TBXAS1: variants seen among roughly 807,000 people sequenced by gnomAD.
The protein encoded by TBXAS1 is thromboxane A synthase 1.
TBXAS1 carries 48 observed loss-of-function variants against 60.7 expected under a neutral mutation model. That is an observed-to-expected ratio of 0.79 (90% confidence interval 0.63 to 1.01). The LOEUF (loss-of-function observed/expected upper bound fraction) is 1.01, where lower values mean the gene tolerates loss of function less well. Among genes scored for constraint, TBXAS1 ranks in the 50% least tolerant of loss-of-function variants. The pLI, the probability that TBXAS1 is intolerant of heterozygous loss-of-function variation, is 0.00. For synonymous variants in TBXAS1, 287 were observed against 269.7 expected, an observed-to-expected ratio of 1.06 and a Z score of -0.63; for missense variants, 685 against 686.3, an observed-to-expected ratio of 1.00 and a Z score of 0.02.
At chr7:139,919,154 C>G (rs1198141172) in intron 4 of TBXAS1, among the ~76,000 whole-genome samples, 1 of 152,030 alleles carries the variant, frequency 6.6e-6, no homozygotes, top group Non-Finnish European at 1.5e-5. Flanking sequence ...ATTCTTGAGT[C>G]TCAGTTGATT....
intron 3 of TBXAS1, among the ~76,000 whole-genome samples, chr7:139,900,966 GC>G (rs1158712585): frequency 6.6e-6 from 1 of 152,152 alleles, no homozygotes; most frequent in Non-Finnish European, 1.5e-5. Flanking sequence ...TGGGTGGTGA[GC>G]CCACCACCAT....
chr7:139,843,792 C>T (rs117906296), intron 1 of TBXAS1, among the ~76,000 whole-genome samples: 3 of 152,154 alleles, frequency 2.0e-5, no homozygotes, highest in East Asian at 1.9e-4. Flanking sequence ...CTCTGGTAAC[C>T]GAGATAGCAG....
chr7:139,804,089 C>A (rs1797784699), intron 4 of TBXAS1, among the ~76,000 whole-genome samples: 1 of 152,218 alleles, frequency 6.6e-6, no homozygotes, highest in South Asian at 2.1e-4. Flanking sequence ...CCAGGAAAAG[C>A]TGCAGACACT....
intron 1 of TBXAS1, among the ~76,000 whole-genome samples, chr7:139,840,299 G>C (rs1165134883): frequency 6.6e-6 from 1 of 152,116 alleles, no homozygotes; most frequent in Non-Finnish European, 1.5e-5. Flanking sequence ...GTATTCCCTG[G>C]CACAATGGGA....
At chr7:139,918,058 C>T (rs1327768225) in intron 4 of TBXAS1, among the ~76,000 whole-genome samples, 5 of 152,158 alleles carry the variant, frequency 3.3e-5, no homozygotes, top group African/African-American at 4.8e-5. Context: ...AGTCCTGATC[C>T]TCCCTGTCTT....
At chr7:139,888,295 C>T (rs965311980) in intron 3 of TBXAS1, among the ~76,000 whole-genome samples, 1 of 152,148 alleles carries the variant, frequency 6.6e-6, no homozygotes, top group African/African-American at 2.4e-5. Context: ...TTTCCTCTTT[C>T]CCACCAGCTC....
In TBXAS1 at chr7:139,922,402, G is replaced by A. The variant is rs375238850; in HGVS notation, c.333+11081G>A. Among the ~76,000 whole-genome samples the A allele has an allele frequency of 3.4e-3, 514 of 152,108 alleles. 2 individuals are homozygous for A. The highest frequency in any genetic ancestry group is 0.01 in the Middle Eastern group (3 of 294). ...TAGGCGTGAGCCACCGCGCCCAGCC[G>A]AGAACTTTTTCATATGCTCTCTGGC... On this transcript the variant is annotated intron_variant, in intron 4 of 12. Coordinates refer to ENST00000448866, the MANE Select transcript of TBXAS1 (RefSeq NM_001061.7).
intron 1 of TBXAS1, among the ~76,000 whole-genome samples, chr7:139,836,378 G>T (rs577084137): frequency 1.2e-4 from 19 of 152,246 alleles, no homozygotes; most frequent in African/African-American, 4.6e-4. Context: ...TAAGCAAAAA[G>T]AACAAATCTG....
At chr7:139,923,144 C>T (rs1385537607) in intron 4 of TBXAS1, among the ~76,000 whole-genome samples, 1 of 150,212 alleles carries the variant, frequency 6.7e-6, no homozygotes, top group African/African-American at 2.5e-5. Context: ...AAACCAAGAC[C>T]CAGTCTCTAC....
intron 5 of TBXAS1, among the ~76,000 whole-genome samples, chr7:139,951,582 C>T (rs1010803446): frequency 2.4e-5 from 2 of 84,658 alleles, no homozygotes; most frequent in African/African-American, 1.1e-4. Flanking sequence ...ATGGTGGAAT[C>T]CCGTCTCTAC....
intron 3 of TBXAS1, among the ~76,000 whole-genome samples, chr7:139,889,854 T>C (rs1803420213): frequency 6.6e-6 from 1 of 152,110 alleles, no homozygotes; most frequent in Admixed American, 6.5e-5. Flanking sequence ...TATGAATCTG[T>C]TGGGGGGATG....
At chr7:139,781,837 CAAAAAAAAAA>C (rs200999267) in intron 2 of TBXAS1, among the ~76,000 whole-genome samples, 13 of 67,314 alleles carry the variant, frequency 1.9e-4, no homozygotes, top group African/African-American at 5.1e-4. Context: ...AATTCCATCT[CAAAAAAAAAA>C]AAAAAAAAAA....
intron 9 of TBXAS1, among the ~76,000 whole-genome samples, chr7:139,966,705 CT>C (rs1810816921): frequency 6.6e-6 from 1 of 152,198 alleles, no homozygotes; most frequent in African/African-American, 2.4e-5. Context: ...TCAATGATTT[CT>C]GGTCATTTTG....
intron 2 of TBXAS1, among the ~76,000 whole-genome samples, chr7:139,872,737 C>T (rs1801915292): frequency 6.6e-6 from 1 of 152,160 alleles, no homozygotes; most frequent in Non-Finnish European, 1.5e-5. Context: ...TTGGTCTTGT[C>T]CAGGTCCCCA....
Position 140,017,942 on chromosome 7 carries a change from G to A in TBXAS1, c.1527+109G>A, listed in dbSNP as rs747814362. 2.4e-4 allele frequency: 350 copies of A among 1,487,030 alleles called. 2 individuals are homozygous for A. Among genetic ancestry groups the A allele is most frequent in the African/African-American group, 2.8e-4 (20 of 72,176 alleles). 92.1% of individuals were successfully genotyped at this position (1,487,030 alleles called of 1,614,324 possible). On this transcript the variant is annotated intron_variant, in intron 12 of 12. Transcript: ENST00000448866. ...GGGGGCAACATCAGGCTCTGCCTCC[G>A]TGAGCTTGGGCAAGCTCCTTAACCT...
At chr7:140,009,113 A>G (rs1037428249) in intron 10 of TBXAS1, among the ~76,000 whole-genome samples, 1 of 152,262 alleles carries the variant, frequency 6.6e-6, no homozygotes, top group Non-Finnish European at 1.5e-5. Flanking sequence ...TAGGCTCTTC[A>G]ACATGAAAAT....
chr7:139,920,305 A>C (rs1362348042), intron 4 of TBXAS1, among the ~76,000 whole-genome samples: 1 of 152,182 alleles, frequency 6.6e-6, no homozygotes, highest in Non-Finnish European at 1.5e-5. Flanking sequence ...GAAGGGGCAA[A>C]GTTAAACCAC....
intron 5 of TBXAS1, among the ~76,000 whole-genome samples, chr7:139,944,905 GT>G (rs1489164593): frequency 6.6e-6 from 1 of 152,158 alleles, no homozygotes; most frequent in East Asian, 1.9e-4. Flanking sequence ...AAGATGGTGG[GT>G]TTTTTCTTTC....
chr7:139,866,424 T>C (rs1801421663), intron 1 of TBXAS1, among the ~76,000 whole-genome samples: 2 of 152,058 alleles, frequency 1.3e-5, no homozygotes, highest in South Asian at 4.1e-4. Flanking sequence ...TTTTTCCTTA[T>C]GTTAAATGAA....
Sources: allele counts gnomAD v4.1 joint callset (sites outside exome capture counted in the v4.1 genomes callset), GRCh38; gene constraint gnomAD v4.1.1; transcripts MANE v1.5; gene names NCBI Gene and HGNC (gene_info 2026-07-23, HGNC 2026-07-21).